Variants in LRP1B observed in about 807,000 individuals in gnomAD.
LRP1B encodes low-density lipoprotein receptor-related protein 1B.
A neutral mutation model predicts 556.6 loss-of-function variants in LRP1B; 217 were observed. The observed-to-expected ratio is 0.39, with a 90% CI of 0.35 to 0.44. LRP1B has a LOEUF of 0.44. Among genes scored for constraint, LRP1B ranks in the 20% least tolerant of loss-of-function variants. The pLI is 1.00. For synonymous variants in LRP1B, 2,047 were observed against 1,865.8 expected (o/e 1.10, Z -2.50); for missense variants, 5,053 against 5,620.8 (o/e 0.90, Z 3.23).
intron 22 of LRP1B, among the ~76,000 whole-genome samples, chr2:140,906,390 G>A (rs1009184766): frequency 6.6e-6 from 1 of 152,058 alleles, no homozygotes; most frequent in Non-Finnish European, 1.5e-5. Context: ...GGAAAATGAG[G>A]TTGTTTTTTC....
chr2:140,399,965 T>A (rs564232635), intron 66 of LRP1B, among the ~76,000 whole-genome samples: 35 of 152,288 alleles, frequency 2.3e-4, no homozygotes, highest in African/African-American at 7.7e-4. Context: ...TAAAATCCGA[T>A]TTCAGTTGAA....
chr2:141,764,561 A>C (rs1694672223), intron 2 of LRP1B, among the ~76,000 whole-genome samples: 1 of 152,146 alleles, frequency 6.6e-6, no homozygotes, highest in Non-Finnish European at 1.5e-5. Context: ...TCACATGAGG[A>C]CACAGCAAGA....
intron 7 of LRP1B, among the ~76,000 whole-genome samples, chr2:141,105,510 G>A (rs982088332): frequency 6.6e-6 from 1 of 152,092 alleles, no homozygotes; most frequent in Non-Finnish European, 1.5e-5. Context: ...CAGAACTTGA[G>A]TTGCGTTTCT....
intron 3 of LRP1B, among the ~76,000 whole-genome samples, chr2:141,256,961 A>G (rs1238527305): frequency 6.6e-6 from 1 of 152,122 alleles, no homozygotes; most frequent in Non-Finnish European, 1.5e-5. Context: ...AAAATCAAAG[A>G]GAAGAGGTAT....
intron 3 of LRP1B, among the ~76,000 whole-genome samples, chr2:141,414,653 GA>G (rs1456572843): frequency 6.6e-6 from 1 of 152,224 alleles, no homozygotes; most frequent in African/African-American, 2.4e-5. Context: ...TGAAAAGAAG[GA>G]AAACAATTGG....
intron 32 of LRP1B, among the ~76,000 whole-genome samples, chr2:140,804,358 AT>A (rs1690634603): frequency 6.6e-6 from 1 of 152,174 alleles, no homozygotes; most frequent in Admixed American, 6.5e-5. Context: ...ATAATAATTT[AT>A]CTTAAGAAGT....
rs915166014 is a variant in LRP1B at position 140,859,425 on chromosome 2, C to T, written c.4580-7642G>A. 5.9e-5 allele frequency among the ~76,000 whole-genome samples: 9 copies of T among 151,748 alleles called. No homozygotes were observed. The East Asian group carries it at 1.4e-3, about 23-fold the overall frequency. On this transcript the variant is annotated intron_variant, in intron 27 of 90. Transcript: ENST00000389484. The stretch of plus-strand genomic sequence containing the variant: ...ATAACATTTTTTATTGTGAAATAAG[C>T]TTATCCTGTTTTCTTATAGATGTTG...
chr2:140,627,503 T>G (rs761663763), intron 41 of LRP1B, among the ~76,000 whole-genome samples: 1 of 152,170 alleles, frequency 6.6e-6, no homozygotes, highest in Non-Finnish European at 1.5e-5. Context: ...TGCCAGGGAC[T>G]CTCAGACCTT....
At position 140,772,375 on chromosome 2, in the gene LRP1B, T is replaced by C. The variant is rs1689343606; in HGVS notation, c.5501-1369A>G. ...CCCATGCTGAAGTGCAGTGGTGCAA[T>C]CTTGGCTTATCGCAACCTCCGCTTC... On this transcript the variant is annotated intron_variant, in intron 33 of 90. Coordinates refer to ENST00000389484, the MANE Select transcript of LRP1B (RefSeq NM_018557.3). Among the ~76,000 whole-genome samples, 2 of 152,050 alleles carry C rather than the reference T, an allele frequency of 1.3e-5. 1 individual carries two copies. The highest frequency in any genetic ancestry group is 4.1e-4 in the South Asian group (2 of 4,824).
chr2:141,752,468 C>A (rs1279890672), intron 2 of LRP1B, among the ~76,000 whole-genome samples: 1 of 152,078 alleles, frequency 6.6e-6, no homozygotes, highest in South Asian at 2.1e-4. Context: ...TTTTGGGTAC[C>A]ACTACCTAGA....
rs199619825 is a variant in LRP1B, at chr2:141,149,806, T to TA, written c.1013+38614dup. On this transcript the variant is annotated intron_variant, in intron 7 of 90. Transcript: ENST00000389484. ...AAAGAACAAAGGAAAGTGACCCTCT[T>TA]AAAAAAAGAGTTGGGATTTAAAAGC... 9.5e-3 allele frequency among the ~76,000 whole-genome samples: 1,440 copies of TA among 152,154 alleles called. 9 individuals are homozygous for TA. The highest frequency in any genetic ancestry group is 0.012 in the Non-Finnish European group (829 of 67,972).
rs146956447 is a variant in LRP1B at position 141,929,818 on chromosome 2, C to G, written c.83-119417G>C. 7.9e-4 allele frequency among the ~76,000 whole-genome samples: 117 copies of G among 147,264 alleles called. 1 individual carries two copies. Among genetic ancestry groups the G allele is most frequent in the African/African-American group, 2.9e-3 (115 of 39,896 alleles). On this transcript the variant is annotated intron_variant, in intron 1 of 90. Transcript: ENST00000389484. ...AATACTGGTGTTTGCATGAACTGAG[C>G]ACAAGGTTAACATCTGGGTCTCAGA...
chr2:140,443,879 T>A (rs774685121), intron 65 of LRP1B, among the ~76,000 whole-genome samples: 2 of 152,220 alleles, frequency 1.3e-5, no homozygotes, highest in Non-Finnish European at 2.9e-5. Context: ...TAGACCATTT[T>A]GCCCAGATTT....
At chr2:141,073,210 A>G (rs1185942510) in intron 7 of LRP1B, among the ~76,000 whole-genome samples, 1 of 152,118 alleles carries the variant, frequency 6.6e-6, no homozygotes, top group Non-Finnish European at 1.5e-5. Flanking sequence ...ACACAATGAT[A>G]CATCATCCAA....
At chr2:140,311,988 A>G (rs758181768) in intron 83 of LRP1B, among the ~76,000 whole-genome samples, 4 of 151,780 alleles carry the variant, frequency 2.6e-5, no homozygotes, top group Non-Finnish European at 5.9e-5. Flanking sequence ...ACTTTGAGCA[A>G]TTCTACCATC....
chr2:140,273,434 A>G (rs1682548152), intron 85 of LRP1B, among the ~76,000 whole-genome samples: 1 of 152,044 alleles, frequency 6.6e-6, no homozygotes, highest in Admixed American at 6.6e-5. Context: ...CAAATATCCC[A>G]ATTTTGCAGG....
chr2:140,781,016 A>T (rs1384229036), intron 32 of LRP1B, among the ~76,000 whole-genome samples: 1 of 152,164 alleles, frequency 6.6e-6, no homozygotes, highest in Non-Finnish European at 1.5e-5. Context: ...TCTGGATCAT[A>T]GTTTTGGGTG....
chr2:141,123,946 ATAGAG>A (rs1701131027), intron 7 of LRP1B, among the ~76,000 whole-genome samples: 2 of 152,174 alleles, frequency 1.3e-5, no homozygotes, highest in East Asian at 3.9e-4. Context: ...TCTATAAGTG[ATAGAG>A]TAAATTGTTA....
At chr2:142,125,920 G>A (rs1291628388) in intron 1 of LRP1B, among the ~76,000 whole-genome samples, 1 of 151,792 alleles carries the variant, frequency 6.6e-6, no homozygotes, top group Non-Finnish European at 1.5e-5. Flanking sequence ...TGGATTATAT[G>A]GGGGAAGCCA....
Sources: allele counts gnomAD v4.1 joint callset (sites outside exome capture counted in the v4.1 genomes callset), GRCh38; gene constraint gnomAD v4.1.1; transcripts MANE v1.5; gene names NCBI Gene and HGNC (gene_info 2026-07-23, HGNC 2026-07-21).